Variants in ANKRD34C observed in about 807,000 individuals in gnomAD.
ANKRD34C encodes the protein ankyrin repeat domain-containing protein 34C.
For missense variants in ANKRD34C, 563 were observed against 653.0 expected, an observed-to-expected ratio of 0.86 and a Z score of 1.50; for synonymous variants, 260 against 253.6, an observed-to-expected ratio of 1.03 and a Z score of -0.24.
chr15:79,288,812 C>CTTTTTTTTTTTTTTTTT (rs60075615), intron 1 of ANKRD34C, among the ~76,000 whole-genome samples: 1 of 55,558 alleles, frequency 1.8e-5, no homozygotes, highest in Admixed American at 2.6e-4. Flanking sequence ...GCCCAGTATT[C>CTTTTTTTTTTTTTTTTT]TTTTTTTTTT....
chr15:79,284,502 G>A (rs572379235), intron 1 of ANKRD34C, among the ~76,000 whole-genome samples: 2 of 152,312 alleles, frequency 1.3e-5, no homozygotes, highest in South Asian at 2.1e-4. Flanking sequence ...CTGGCAAACT[G>A]GGAATTGTGG....
rs758979450 is a variant in ANKRD34C, at chr15:79,294,121, C to A, written c.837C>A (p.Asn279Lys). The A allele has an allele frequency of 1.2e-5, 18 of 1,551,400 alleles. No homozygotes were observed. In the East Asian group the frequency reaches 1.2e-4, roughly 11 times the overall value. Residue 279 changes from asparagine to lysine, a missense_variant, in exon 2 of 2, where the codon AAC becomes AAA. Transcript: ENST00000421388. ...AGACCCATGGTGCCAGCACAGACAACGAGGTCATCAAGAGCATCAGTGATA... is the reference window on the plus strand; with the variant it reads ...AGACCCATGGTGCCAGCACAGACAAAGAGGTCATCAAGAGCATCAGTGATA... ...QDETHGASTD[N>K]EVIKSISDIS...
intron 1 of ANKRD34C, among the ~76,000 whole-genome samples, chr15:79,287,521 TAATC>T (rs1246672227): frequency 6.6e-6 from 1 of 152,252 alleles, no homozygotes; most frequent in Non-Finnish European, 1.5e-5. Flanking sequence ...CTGGAGTAGA[TAATC>T]AATATATGTT....
intron 1 of ANKRD34C, among the ~76,000 whole-genome samples, chr15:79,284,954 G>C (rs2058639366): frequency 6.6e-6 from 1 of 152,168 alleles, no homozygotes; most frequent in African/African-American, 2.4e-5. Flanking sequence ...ATAAATATGT[G>C]ACATTAATGG....
At chr15:79,285,076 C>A (rs1458473185) in intron 1 of ANKRD34C, among the ~76,000 whole-genome samples, 2 of 152,202 alleles carry the variant, frequency 1.3e-5, no homozygotes, top group Admixed American at 1.3e-4. Flanking sequence ...GAAGGCTCCA[C>A]AAGATGTCAG....
Position 79,294,707 on chromosome 15 carries a change from C to T in ANKRD34C, c.1423C>T (p.Pro475Ser), listed in dbSNP as rs976613507. The T allele has an allele frequency of 6.4e-7, 1 of 1,551,608 alleles. No individual in the cohort carries two copies. The highest frequency in any genetic ancestry group is 8.7e-7 in the Non-Finnish European group (1 of 1,147,000). Residue 475 changes from proline (P) to serine (S), a missense_variant, in exon 2 of 2, where the codon CCA becomes TCA. Physicochemically the swap from Pro to Ser is moderately conservative, Grantham distance 74 (BLOSUM62 -1). Transcript: ENST00000421388. The part of the protein sequence containing the change: ...PLNVNLNPPI[P>S]DIRSSSKPSC... The stretch of plus-strand genomic sequence containing the variant: ...AAATGTGAATCTGAACCCGCCTATT[C>T]CAGATATTAGATCTAGCAGCAAACC...
chr15:79,288,415 A>C (rs1596039061), intron 1 of ANKRD34C, among the ~76,000 whole-genome samples: 1 of 152,204 alleles, frequency 6.6e-6, no homozygotes, highest in Non-Finnish European at 1.5e-5. Context: ...GAGGAGAGGG[A>C]GAAGCATTTA....
Position 79,297,154 on chromosome 15 carries a change from T to C in ANKRD34C, c.*2262T>C, listed in dbSNP as rs2141204684. 6.0e-6 allele frequency: 1 copy of C among 167,004 alleles called. No homozygotes were observed. Among genetic ancestry groups the C allele is most frequent in the African/African-American group, 2.4e-5 (1 of 41,580 alleles). The allele number at this position is 167,004 out of a possible 1,614,324, so 10.3% of individuals were successfully genotyped here. Reference sequence around the variant, plus strand: ...TCAGAACTATTTAATCATTAATAGTTCTTACCAAGTAGAAGTGATCCCAGG... The same window carrying C: ...TCAGAACTATTTAATCATTAATAGTCCTTACCAAGTAGAAGTGATCCCAGG... On this transcript the variant is annotated 3_prime_UTR_variant, in exon 2 of 2. Coordinates refer to ENST00000421388, the MANE Select transcript of ANKRD34C (RefSeq NM_001146341.2).
At chr15:79,284,965 T>C (rs752554325) in intron 1 of ANKRD34C, among the ~76,000 whole-genome samples, 4 of 152,194 alleles carry the variant, frequency 2.6e-5, no homozygotes, top group Non-Finnish European at 5.9e-5. Context: ...ACATTAATGG[T>C]TTTTAAAACC....
chr15:79,285,210 G>A (rs1324454635), intron 1 of ANKRD34C, among the ~76,000 whole-genome samples: 2 of 152,196 alleles, frequency 1.3e-5, no homozygotes, highest in African/African-American at 4.8e-5. Context: ...TGGTCTCTAA[G>A]TACTAGAAAG....
intron 1 of ANKRD34C, among the ~76,000 whole-genome samples, chr15:79,287,130 C>A (rs184198033): frequency 5.1e-4 from 78 of 152,240 alleles, no homozygotes; most frequent in African/African-American, 1.8e-3. Context: ...GTCTTCCATT[C>A]TGGGACTTAT....
intron 1 of ANKRD34C, chr15:79,283,992 T>G (rs966478455): frequency 6.6e-6 from 1 of 152,228 alleles, no homozygotes; most frequent in Non-Finnish European, 1.5e-5. Context: ...TGTAAAGATA[T>G]CTCCCAAGCT....
In ANKRD34C at chr15:79,295,107, T is replaced by A; in HGVS notation, c.*215T>A. ...GTTTTGAAGATAAATTTTTAAAAAT[T>A]CTGCAAAGGAAGAAAGCCTTTGGAA... On this transcript the variant is annotated 3_prime_UTR_variant, in exon 2 of 2. Coordinates refer to ENST00000421388, the MANE Select transcript of ANKRD34C (RefSeq NM_001146341.2). The A allele has an allele frequency of 1.8e-6, 1 of 551,480 alleles. No homozygotes were observed. The highest frequency in any genetic ancestry group is 3.1e-6 in the Non-Finnish European group (1 of 321,080). 34.2% of individuals were successfully genotyped at this position (551,480 alleles called of 1,614,324 possible). A position where few individuals can be genotyped will look rare whatever the true frequency, so the allele number is the denominator to read the frequency against.
At chr15:79,287,334 T>C (rs918177585) in intron 1 of ANKRD34C, among the ~76,000 whole-genome samples, 5 of 152,198 alleles carry the variant, frequency 3.3e-5, no homozygotes, top group Admixed American at 3.3e-4. Context: ...ATAGTATTAC[T>C]ATAAAGATTA....
rs1259902583 is a variant in ANKRD34C at position 79,282,966 on chromosome 15, G to A, written c.-307G>A. Among the ~76,000 whole-genome samples the A allele has an allele frequency of 6.6e-6, 1 of 152,252 alleles. No individual in the cohort carries two copies. Among genetic ancestry groups the A allele is most frequent in the Non-Finnish European group, 1.5e-5 (1 of 68,044 alleles). On this transcript the variant is annotated 5_prime_UTR_variant, in exon 1 of 2. Transcript: ENST00000421388. ...CCTGCTCCCACCGCAACTTGGAGGA[G>A]CGGTGGACCGATTTGAAGGAACTGA...
rs749866202 is a variant in ANKRD34C, at chr15:79,294,618, G to A, written c.1334G>A (p.Arg445Gln). ...RRRPPHLLER[R>Q]GSGTLLLDRI... ...AGGCCGCCACATCTTCTAGAACGAC[G>A]AGGTTCTGGAACTCTGCTCCTTGAT... The change falls in exon 2 of 2, where the codon CGA becomes CAA. Residue 445 changes from arginine (R) to glutamine (Q), a missense_variant. Arg to Gln is a conservative substitution (Grantham distance 43, BLOSUM62 1). Transcript: ENST00000421388. 1.3e-6 allele frequency: 2 copies of A among 1,551,726 alleles called. No individual in the cohort carries two copies. The highest frequency in any genetic ancestry group is 8.7e-7 in the Non-Finnish European group (1 of 1,146,998).
rs1275073756 is a variant in ANKRD34C, at chr15:79,294,188, A to G, written c.904A>G (p.Ile302Val). ...KRGPLSRTNS[I>V]DSKDPTLFHT... ...GGGGCCCCTCTCCAGAACCAACAGT[A>G]TCGATAGCAAAGACCCCACCCTCTT... The change falls in exon 2 of 2, where the codon ATC becomes GTC. Residue 302 changes from isoleucine to valine, a missense_variant. Physicochemically the swap from Ile to Val is conservative, Grantham distance 29. Transcript: ENST00000421388. 1 of 1,551,612 alleles carries G rather than the reference A, an allele frequency of 6.4e-7. No homozygotes were observed. The highest frequency in any genetic ancestry group is 1.2e-5 in the South Asian group (1 of 84,040).
chr15:79,285,989 T>C (rs186836674), intron 1 of ANKRD34C, among the ~76,000 whole-genome samples: 9 of 152,322 alleles, frequency 5.9e-5, no homozygotes, highest in Admixed American at 2.0e-4. Context: ...AAGACATCTT[T>C]ACTTTTGGGG....
rs540707968 is a variant in ANKRD34C at position 79,293,172 on chromosome 15, C to T, written c.-44-69C>T. ...TTGGGATATGACTGTACCCAGACCC[C>T]GTAATAACCATGCTGCACAGATCTG... On this transcript the variant is annotated intron_variant, in intron 1 of 1. Coordinates refer to ENST00000421388, the MANE Select transcript of ANKRD34C (RefSeq NM_001146341.2). The T allele has an allele frequency of 2.2e-4, 264 of 1,195,828 alleles. 3 individuals carry two copies. In the South Asian group the frequency reaches 3.3e-3, roughly 15 times the overall value. The allele number at this position is 1,195,828 out of a possible 1,614,324, so 74.1% of individuals were successfully genotyped here. A position where few individuals can be genotyped will look rare whatever the true frequency, so the allele number is the denominator to read the frequency against.
Sources: gnomAD v4.1 joint callset for allele counts (sites outside exome capture counted in the v4.1 genomes callset) on GRCh38, gnomAD v4.1.1 for gene constraint, MANE v1.5 for transcripts, NCBI Gene and HGNC (gene_info 2026-07-23, HGNC 2026-07-21) for gene names.